Variants in FTO observed in about 807,000 individuals in gnomAD.
FTO encodes the protein alpha-ketoglutarate-dependent dioxygenase FTO.
FTO carries 47 observed loss-of-function variants against 63.9 expected under a neutral mutation model. The observed-to-expected ratio is 0.74, with a 90% confidence interval of 0.58 to 0.94. The LOEUF is 0.94. Among genes scored for constraint, FTO ranks in the 40% least tolerant of loss-of-function variants. The probability of loss-of-function intolerance (pLI) is 0.00; values close to 1 mark genes in which losing one functional copy is unlikely to be tolerated. For missense variants in FTO, 562 were observed against 618.1 expected, an observed-to-expected ratio of 0.91 and a Z score of 0.96; for synonymous variants, 207 against 224.4, an observed-to-expected ratio of 0.92 and a Z score of 0.69.
chr16:53,764,475 C>CAAAAAAAAAAAAAAAAAAA (rs56906281), intron 1 of FTO, among the ~76,000 whole-genome samples: 1 of 118,714 alleles, frequency 8.4e-6, no homozygotes, highest in African/African-American at 3.1e-5. Context: ...ACTAAAAATA[C>CAAAAAAAAAAAAAAAAAAA]AAAAAAAAAA....
chr16:53,940,149 G>A (rs775353437), intron 8 of FTO, among the ~76,000 whole-genome samples: 2 of 151,392 alleles, frequency 1.3e-5, no homozygotes, highest in South Asian at 2.1e-4. Flanking sequence ...TGTCCTTGTC[G>A]TTACCTGTTA....
intron 1 of FTO, among the ~76,000 whole-genome samples, chr16:53,790,579 C>CA (rs34860208): frequency 0.59 from 32,462 of 55,130 alleles, 8,451 homozygotes; most frequent in Middle Eastern, 0.69. Context: ...CAAAATAAAG[C>CA]AAAAAAAAAA....
chr16:53,783,604 T>TCTCAAAA (rs2077645991), intron 1 of FTO, among the ~76,000 whole-genome samples: 1 of 68,146 alleles, frequency 1.5e-5, no homozygotes. Context: ...CAAGACTCCA[T>TCTCAAAA]AAAAAAAAAA....
At position 53,787,613 on chromosome 16, in the gene FTO, G is replaced by A. The variant is rs529054417; in HGVS notation, c.46-22527G>A. ...GGAGAAGCCTGATTGTTCCTTTTAC[G>A]CTGACTCATACAGTTTCAGCAGATT... On this transcript the variant is annotated intron_variant, in intron 1 of 8. Transcript: ENST00000471389. 7.9e-5 allele frequency among the ~76,000 whole-genome samples: 12 copies of A among 152,216 alleles called. No individual in the cohort carries two copies. The East Asian group carries it at 9.6e-4, about 12-fold the overall frequency.
At chr16:54,098,894 GT>G (rs2086573250) in intron 8 of FTO, among the ~76,000 whole-genome samples, 1 of 152,166 alleles carries the variant, frequency 6.6e-6, no homozygotes, top group African/African-American at 2.4e-5. Context: ...AAGAAGAAAT[GT>G]TTTTTAGAAT....
chr16:54,077,589 T>C (rs1464805346), intron 8 of FTO, among the ~76,000 whole-genome samples: 4 of 152,088 alleles, frequency 2.6e-5, no homozygotes, highest in Non-Finnish European at 5.9e-5. Flanking sequence ...CGGGCAGCGG[T>C]AGGACAATGT....
chr16:53,744,892 A>C (rs2076613964), intron 1 of FTO, among the ~76,000 whole-genome samples: 1 of 151,934 alleles, frequency 6.6e-6, no homozygotes, highest in Non-Finnish European at 1.5e-5. Context: ...CATCTAAAAA[A>C]GGGAGGATGT....
intron 1 of FTO, among the ~76,000 whole-genome samples, chr16:53,767,721 T>C (rs1465689201): frequency 6.6e-6 from 1 of 152,172 alleles, no homozygotes; most frequent in East Asian, 1.9e-4. Context: ...AACTTGCAGG[T>C]CAGGTTTTAT....
intron 2 of FTO, among the ~76,000 whole-genome samples, chr16:53,816,777 A>G (rs375278559): frequency 6.6e-6 from 1 of 152,170 alleles, no homozygotes; most frequent in East Asian, 1.9e-4. Flanking sequence ...CCGTAGACTT[A>G]TCATCATCTA....
chr16:54,007,194 A>G (rs2084228098), intron 8 of FTO, among the ~76,000 whole-genome samples: 1 of 152,228 alleles, frequency 6.6e-6, no homozygotes, highest in Non-Finnish European at 1.5e-5. Context: ...GAATGGTCGT[A>G]TAACCTAATG....
chr16:54,010,034 A>G (rs1341811525), intron 8 of FTO, among the ~76,000 whole-genome samples: 1 of 152,210 alleles, frequency 6.6e-6, no homozygotes, highest in African/African-American at 2.4e-5. Context: ...ACAGAGGAAC[A>G]TTGAGCTAAT....
At chr16:53,844,416 G>A (rs369403982) in intron 4 of FTO, 118 bp downstream of exon 4, 21 of 811,518 alleles carry the variant, frequency 2.6e-5, no homozygotes, top group South Asian at 6.4e-5. Flanking sequence ...TATTAAGAGC[G>A]AAACTTCTTT....
At chr16:54,089,226 GA>G (rs2086321706) in intron 8 of FTO, among the ~76,000 whole-genome samples, 1 of 152,200 alleles carries the variant, frequency 6.6e-6, no homozygotes, top group African/African-American at 2.4e-5. Context: ...CAATCTGAGT[GA>G]GTTTAATTAA....
chr16:54,006,736 AG>A (rs1388515504), intron 8 of FTO, among the ~76,000 whole-genome samples: 1 of 152,246 alleles, frequency 6.6e-6, no homozygotes, highest in East Asian at 1.9e-4. Flanking sequence ...TTTAAGTGAA[AG>A]GATAGGCTCC....
chr16:53,965,467 A>G (rs542954063), intron 8 of FTO, among the ~76,000 whole-genome samples: 1 of 152,132 alleles, frequency 6.6e-6, no homozygotes, highest in Non-Finnish European at 1.5e-5. Context: ...ACTGTGTGGC[A>G]TGTTTGGGTA....
intron 8 of FTO, chr16:54,000,075 G>A (rs925026426): frequency 6.6e-6 from 1 of 152,144 alleles, no homozygotes; most frequent in Admixed American, 6.5e-5. Context: ...GATGATAAAT[G>A]TTTATACTCT....
At chr16:53,999,224 C>T (rs1328705169) in intron 8 of FTO, among the ~76,000 whole-genome samples, 2 of 152,132 alleles carry the variant, frequency 1.3e-5, no homozygotes, top group Non-Finnish European at 2.9e-5. Context: ...TTTGAGAACC[C>T]GGCTTTTACC....
intron 7 of FTO, among the ~76,000 whole-genome samples, chr16:53,909,713 G>A (rs572750045): frequency 4.0e-5 from 6 of 151,256 alleles, no homozygotes; most frequent in Admixed American, 1.3e-4. Context: ...ACAGGTGCCC[G>A]CCACCACGCT....
chr16:54,095,194 T>G (rs1413850338), intron 8 of FTO, among the ~76,000 whole-genome samples: 1 of 152,188 alleles, frequency 6.6e-6, no homozygotes, highest in African/African-American at 2.4e-5. Flanking sequence ...CTTATGCCAC[T>G]GTGCCTGGCT....
Sources: allele counts gnomAD v4.1 joint callset (sites outside exome capture counted in the v4.1 genomes callset), GRCh38; gene constraint gnomAD v4.1.1; transcripts MANE v1.5; gene names NCBI Gene and HGNC (gene_info 2026-07-23, HGNC 2026-07-21).